URGCP: variants seen among roughly 807,000 people sequenced by gnomAD.
URGCP encodes the protein up-regulator of cell proliferation.
A neutral mutation model predicts 24.6 loss-of-function variants in URGCP; 13 were observed. The ratio of observed to expected loss-of-function variants is 0.53; its 90% CI spans 0.34 to 0.84. The LOEUF is 0.84. Ranked by LOEUF, URGCP falls within the 40% of genes least tolerant of loss-of-function variation. The pLI is 0.01. For synonymous variants in URGCP, 444 were observed against 487.2 expected (o/e 0.91, Z 1.17); for missense variants, 899 against 1,194.3 (o/e 0.75, Z 3.64).
intron 1 of URGCP, among the ~76,000 whole-genome samples, chr7:43,914,060 C>T (rs1360678129): frequency 1.3e-5 from 2 of 152,090 alleles, no homozygotes; most frequent in African/African-American, 4.8e-5. Flanking sequence ...AGTGCAGTGG[C>T]GTGATATTAG....
chr7:43,910,852 T>A (rs1385332280), upstream of URGCP: 6 of 152,014 alleles, frequency 3.9e-5, no homozygotes. Flanking sequence ...CAAGACTCTT[T>A]CTCATAAAAA....
chr7:43,882,057 AG>A (rs1377967808), intron 3 of URGCP, 100 bp from the exon 4 acceptor site: 1 of 1,570,186 alleles, frequency 6.4e-7, no homozygotes, highest in East Asian at 2.2e-5. Context: ...CCAGCACTTT[AG>A]GAGGCTGAAC....
intron 1 of URGCP, among the ~76,000 whole-genome samples, chr7:43,923,221 A>G (rs1021314664): frequency 2.0e-5 from 3 of 149,778 alleles, no homozygotes; most frequent in African/African-American, 7.4e-5. Flanking sequence ...TGACCTCATG[A>G]TCTGCCCTCT....
chr7:43,882,118 C>T (rs2095854857), intron 3 of URGCP, 161 bp from the exon 4 acceptor site: 2 of 1,233,510 alleles, frequency 1.6e-6, no homozygotes, highest in African/African-American at 3.0e-5. Context: ...GGCAACAAAG[C>T]AAGACCCTGT....
At chr7:43,903,985 G>A (rs2095896428) in intron 1 of URGCP, among the ~76,000 whole-genome samples, 1 of 152,226 alleles carries the variant, frequency 6.6e-6, no homozygotes, top group South Asian at 2.1e-4. Flanking sequence ...AAAGACAAGA[G>A]ATGAGCTGTT....
upstream of URGCP, chr7:43,926,574 C>T: frequency 1.3e-6 from 2 of 1,566,888 alleles, no homozygotes; most frequent in Non-Finnish European, 8.6e-7. Context: ...CTTTCCCACC[C>T]TCCAACTCTT....
intron 5 of URGCP, chr7:43,879,910 TTTC>T (rs2095851304): frequency 1.3e-5 from 2 of 152,194 alleles, no homozygotes; most frequent in African/African-American, 2.4e-5. Context: ...CTTTTTTTTC[TTTC>T]TTTTTTCCTC....
At chr7:43,913,387 A>AT (rs1441348352) in intron 1 of URGCP, among the ~76,000 whole-genome samples, 1 of 143,144 alleles carries the variant, frequency 7.0e-6, no homozygotes, top group Admixed American at 6.9e-5. Flanking sequence ...TTTTTTTTTT[A>AT]TTTTTTATTT....
At chr7:43,918,780 C>A in intron 1 of URGCP, 1 of 938,928 alleles carries the variant, frequency 1.1e-6, no homozygotes, top group Non-Finnish European at 1.8e-6. Flanking sequence ...GTGCACTGAG[C>A]ATGGTATCAG....
At position 43,913,928 on chromosome 7, in the gene URGCP, C is replaced by T. The variant is rs147870839; in HGVS notation, c.-116+12204G>A. Among the ~76,000 whole-genome samples, 430 of 152,132 alleles carry T rather than the reference C, an allele frequency of 2.8e-3. 2 individuals carry two copies. Among genetic ancestry groups the T allele is most frequent in the African/African-American group, 9.6e-3 (398 of 41,510 alleles). On this transcript the variant is annotated intron_variant, in intron 1 of 5. Coordinates refer to the URGCP transcript ENST00000426198. ...TGGCCAGGCTGGTCTTGAACTCCTA[C>T]CCTCAAGTGATCCACCTGCCTTGGC...
rs762969400 is a variant in URGCP at position 43,878,854 on chromosome 7, C to T, written c.609G>A (p.Ala203=). The part of the protein sequence containing the change: ...SSDSFLQQEI[A]LKMALCQFAL... ...CAAACTGGCAGAGGGCCATTTTCAA[C>T]GCTATTTCTTGTTGCAGGAAACTGT... Residue 203 remains alanine (A), a synonymous_variant, in exon 6 of 6, where the codon GCG becomes GCA. Coordinates refer to ENST00000453200, the MANE Select transcript of URGCP (RefSeq NM_001077663.3). The surrounding 1 kb of genome is among the most constrained non-coding windows in gnomAD (Gnocchi z 5.6). 8.7e-6 allele frequency: 14 copies of T among 1,614,062 alleles called. No individual in the cohort carries two copies. The highest frequency in any genetic ancestry group is 2.2e-5 in the East Asian group (1 of 44,898).
At chr7:43,924,694 T>C (rs1168761097) in intron 1 of URGCP, among the ~76,000 whole-genome samples, 1 of 152,150 alleles carries the variant, frequency 6.6e-6, no homozygotes. Flanking sequence ...TCAAGGAATG[T>C]AGATGCTGTG....
In URGCP at chr7:43,878,105, T is replaced by G. The variant is rs765204765; in HGVS notation, c.1358A>C (p.His453Pro). ...CTTTAGGCCCAGTTTGCGGGCTGCGTGCGCCATGTCCTCCACAGATACCCG... is the reference window on the plus strand; with the variant it reads ...CTTTAGGCCCAGTTTGCGGGCTGCGGGCGCCATGTCCTCCACAGATACCCG... ...CRRVSVEDMA[H>P]AARKLGLKVD... Residue 453 changes from histidine to proline, a missense_variant, in exon 6 of 6, where the codon CAC becomes CCC. His to Pro is a moderately conservative substitution (Grantham distance 77). Transcript: ENST00000453200. This position sits in a 1 kb window ranked among gnomAD's most constrained non-coding sequence, Gnocchi z 5.6. 6.2e-7 allele frequency: 1 copy of G among 1,614,252 alleles called. No individual in the cohort carries two copies. The highest frequency in any genetic ancestry group is 2.2e-5 in the East Asian group (1 of 44,880).
intron 1 of URGCP, among the ~76,000 whole-genome samples, chr7:43,913,380 T>TTTTTTTA (rs943425929): frequency 6.5e-4 from 98 of 151,910 alleles, no homozygotes; most frequent in African/African-American, 2.3e-3. Context: ...GGCTATTTTT[T>TTTTTTTA]TTTTTTATTT....
chr7:43,887,320 C>A, intron 3 of URGCP, 95 bp downstream of exon 3: 1 of 1,436,286 alleles, frequency 7.0e-7, no homozygotes, highest in South Asian at 1.4e-5. Context: ...ATGCACAATC[C>A]CAAGTCCAGG....
At chr7:43,918,667 A>G (rs1031185391) in intron 1 of URGCP, 1 of 629,288 alleles carries the variant, frequency 1.6e-6, no homozygotes, top group Non-Finnish European at 2.9e-6. Context: ...TGCGGGTGGG[A>G]GCGGCTGCAA....
intron 1 of URGCP, among the ~76,000 whole-genome samples, chr7:43,915,932 C>T (rs2095914941): frequency 6.6e-6 from 1 of 152,148 alleles, no homozygotes; most frequent in Admixed American, 6.5e-5. Flanking sequence ...TCACTTGAAC[C>T]TGGGAGGTGG....
At position 43,877,417 on chromosome 7, in the gene URGCP, C is replaced by T. The variant is rs752070215; in HGVS notation, c.2046G>A (p.Leu682=). The T allele has an allele frequency of 6.2e-7, 1 of 1,613,422 alleles. No homozygotes were observed. The highest frequency in any genetic ancestry group is 1.1e-5 in the South Asian group (1 of 91,090). The change falls in exon 6 of 6, where the codon CTG becomes CTA. Residue 682 remains leucine, a synonymous_variant. Transcript: ENST00000453200. ...TTGACCGTCTCTCCAGTCGGACGTGCAGCTCCTTCAGGAGCCCTGTGACCC... is the reference window on the plus strand; with the variant it reads ...TTGACCGTCTCTCCAGTCGGACGTGTAGCTCCTTCAGGAGCCCTGTGACCC... The part of the protein sequence containing the change: ...VRWVTGLLKE[L]HVRLERRSRL...
chr7:43,887,383 A>C, intron 3 of URGCP, 32 bp downstream of exon 3: 1 of 1,612,422 alleles, frequency 6.2e-7, no homozygotes, highest in South Asian at 1.1e-5. Flanking sequence ...TCAGCTCCAG[A>C]GTGGGCCCAC....
Sources: gnomAD v4.1 joint callset for allele counts (sites outside exome capture counted in the v4.1 genomes callset) on GRCh38, gnomAD v4.1.1 for gene constraint, Gnocchi (gnomAD v3.1) non-coding constraint, MANE v1.5 for transcripts, NCBI Gene and HGNC (gene_info 2026-07-23, HGNC 2026-07-21) for gene names.